STK3: variants seen among roughly 807,000 people sequenced by gnomAD.
The protein encoded by STK3 is serine/threonine kinase 3.
A neutral mutation model predicts 58.0 loss-of-function variants in STK3; 41 were observed. The observed-to-expected ratio is 0.71, with a 90% CI of 0.55 to 0.92. The LOEUF (loss-of-function observed/expected upper bound fraction) is 0.92, where lower values mean the gene tolerates loss of function less well. Ranked by LOEUF, STK3 falls within the 40% of genes least tolerant of loss-of-function variation. The pLI is 0.00. For synonymous variants in STK3, 170 were observed against 191.0 expected, an observed-to-expected ratio of 0.89 and a Z score of 0.91; for missense variants, 479 against 602.7, an observed-to-expected ratio of 0.79 and a Z score of 2.15.
At chr8:98,688,790 T>C (rs1180470954) in intron 6 of STK3, among the ~76,000 whole-genome samples, 1 of 152,198 alleles carries the variant, frequency 6.6e-6, no homozygotes, top group East Asian at 1.9e-4. Context: ...AGAGGAAAGT[T>C]TAGAATGCTA....
intron 6 of STK3, among the ~76,000 whole-genome samples, chr8:98,624,622 C>T (rs1187170915): frequency 2.6e-5 from 4 of 151,946 alleles, no homozygotes; most frequent in South Asian, 2.1e-4. Flanking sequence ...GAGACCAAGG[C>T]GGGTGGGATC....
chr8:98,443,391 C>A lies in STK3; in HGVS notation n.186-6183G>T, dbSNP rs141306289. The stretch of plus-strand genomic sequence containing the variant: ...ATGGCAGTTTGTTTCCAGTGCATTT[C>A]TCTGCCTGTATCTATGTTCATGAGT... On this transcript the variant is annotated intron_variant and non_coding_transcript_variant, in intron 1 of 3. Transcript: ENST00000517832. Among the ~76,000 whole-genome samples the A allele has an allele frequency of 6.5e-3, 997 of 152,370 alleles. 12 individuals carry two copies. The highest frequency in any genetic ancestry group is 0.022 in the African/African-American group (926 of 41,586).
chr8:98,576,704 A>G (rs890971206), intron 8 of STK3, among the ~76,000 whole-genome samples: 2 of 152,200 alleles, frequency 1.3e-5, no homozygotes, highest in African/African-American at 4.8e-5. Context: ...GCTGGTGCCT[A>G]GAAATACAAC....
intron 10 of STK3, among the ~76,000 whole-genome samples, chr8:98,507,660 A>T (rs984182955): frequency 1.3e-5 from 2 of 152,120 alleles, no homozygotes; most frequent in African/African-American, 4.8e-5. Context: ...CCACTTCCCT[A>T]TCCTGCTCTC....
intron 10 of STK3, among the ~76,000 whole-genome samples, chr8:98,499,197 G>C (rs1823383714): frequency 6.6e-6 from 1 of 152,156 alleles, no homozygotes; most frequent in South Asian, 2.1e-4. Context: ...ACTAAAAAGG[G>C]CAAGAAACTC....
intron 6 of STK3, among the ~76,000 whole-genome samples, chr8:98,692,453 C>T (rs1554650515): frequency 6.8e-6 from 1 of 146,706 alleles, no homozygotes; most frequent in Non-Finnish European, 1.5e-5. Flanking sequence ...CTACATAAAA[C>T]ACACACACAC....
In STK3 at chr8:98,476,001, T is replaced by C. The variant is rs185657228; in HGVS notation, c.1318-20001A>G. Among the ~76,000 whole-genome samples the C allele has an allele frequency of 1.5e-3, 228 of 152,282 alleles. 2 individuals carry two copies. Among genetic ancestry groups the C allele is most frequent in the African/African-American group, 5.3e-3 (222 of 41,550 alleles). On this transcript the variant is annotated intron_variant, in intron 10 of 10. Coordinates refer to ENST00000419617, the MANE Select transcript of STK3 (RefSeq NM_006281.4). ...CTTTAAAGCAAACTATTTAGGACTA[T>C]AAATTCCATCTAGGCCTTAGATACA...
chr8:98,912,397 A>T (rs1320988954), intron 1 of STK3, among the ~76,000 whole-genome samples: 1 of 146,694 alleles, frequency 6.8e-6, no homozygotes, highest in Admixed American at 6.7e-5. Flanking sequence ...AACAACAACA[A>T]TAACAAACGA....
intron 6 of STK3, among the ~76,000 whole-genome samples, chr8:98,633,123 G>C (rs1285941303): frequency 6.6e-6 from 1 of 152,108 alleles, no homozygotes; most frequent in African/African-American, 2.4e-5. Context: ...GGGCACACAA[G>C]ATGCAAAGGA....
chr8:98,417,858 T>C (rs1043924147), intron 3 of STK3, among the ~76,000 whole-genome samples: 8 of 152,216 alleles, frequency 5.3e-5, no homozygotes, highest in Non-Finnish European at 8.8e-5. Context: ...CCAGGCATTC[T>C]CCTTCCAGAA....
chr8:98,715,633 C>T lies in STK3; in HGVS notation c.352-8322G>A, dbSNP rs561525863. Among the ~76,000 whole-genome samples the T allele has an allele frequency of 2.1e-3, 326 of 152,268 alleles. 1 individual carries two copies. Among genetic ancestry groups the T allele is most frequent in the African/African-American group, 7.7e-3 (318 of 41,534 alleles). ...CAATCATTAAAAAGTCAGGAAACAA[C>T]AAGCGCTGGAGAGGATGTGGAGAAA... On this transcript the variant is annotated intron_variant, in intron 4 of 10. Coordinates refer to ENST00000419617, the MANE Select transcript of STK3 (RefSeq NM_006281.4).
At chr8:98,875,977 G>A (rs1383344241) in intron 3 of STK3, among the ~76,000 whole-genome samples, 1 of 152,178 alleles carries the variant, frequency 6.6e-6, no homozygotes, top group Non-Finnish European at 1.5e-5. Context: ...TGCAGGGTCT[G>A]TTCAAAGGCA....
At chr8:98,513,911 A>G (rs1824720718) in intron 10 of STK3, among the ~76,000 whole-genome samples, 1 of 152,180 alleles carries the variant, frequency 6.6e-6, no homozygotes, top group African/African-American at 2.4e-5. Flanking sequence ...TCTGAGGAAG[A>G]GCTCAGTGAT....
intron 6 of STK3, among the ~76,000 whole-genome samples, chr8:98,670,196 C>T (rs536261411): frequency 1.4e-3 from 216 of 152,152 alleles, no homozygotes; most frequent in Non-Finnish European, 1.0e-3. Context: ...TGGTGAAACC[C>T]CATCTCTACA....
intron 4 of STK3, among the ~76,000 whole-genome samples, chr8:98,740,206 AAGGC>A (rs1406128629): frequency 5.3e-5 from 8 of 152,310 alleles, no homozygotes; most frequent in Non-Finnish European, 8.8e-5. Flanking sequence ...CCAATCTAGC[AAGGC>A]AGGCCAACAT....
At chr8:98,797,558 C>A (rs1203501376) in intron 1 of STK3, among the ~76,000 whole-genome samples, 1 of 152,182 alleles carries the variant, frequency 6.6e-6, no homozygotes, top group East Asian at 1.9e-4. Flanking sequence ...TGCAAAGGAA[C>A]ACAACACAAC....
chr8:98,764,760 CG>C (rs1432081067), intron 3 of STK3, among the ~76,000 whole-genome samples: 1 of 152,090 alleles, frequency 6.6e-6, no homozygotes, highest in African/African-American at 2.4e-5. Flanking sequence ...ATACAATCCC[CG>C]AACTCAAGGA....
intron 3 of STK3, chr8:98,413,797 T>C (rs2131044285): frequency 1.6e-6 from 1 of 623,990 alleles, no homozygotes; most frequent in Non-Finnish European, 3.1e-6. Context: ...TCTCCGAGGG[T>C]GGGGGCCTCA....
chr8:98,425,488 T>C (rs1407221158), intron 3 of STK3, among the ~76,000 whole-genome samples: 2 of 152,152 alleles, frequency 1.3e-5, no homozygotes, highest in African/African-American at 4.8e-5. Context: ...AAAGAGGAAG[T>C]GTGTGTGGCC....
Sources: allele counts gnomAD v4.1 joint callset (sites outside exome capture counted in the v4.1 genomes callset), GRCh38; gene constraint gnomAD v4.1.1; transcripts MANE v1.5; gene names NCBI Gene and HGNC (gene_info 2026-07-23, HGNC 2026-07-21).